The following ACOT7 variants were observed in gnomAD, a reference collection of about 807,000 sequenced individuals.
ACOT7 encodes cytosolic acyl coenzyme A thioester hydrolase.
A neutral mutation model predicts 40.2 loss-of-function variants in ACOT7; 12 were observed. The observed-to-expected ratio is 0.30, with a 90% CI of 0.19 to 0.48. ACOT7 has a LOEUF of 0.48. Among genes scored for constraint, ACOT7 ranks in the 20% least tolerant of loss-of-function variants. The pLI is 0.99. For synonymous variants in ACOT7, 228 were observed against 219.5 expected (o/e 1.04, Z -0.34); for missense variants, 395 against 530.8 (o/e 0.74, Z 2.51).
chr1:6,284,919 C>T (rs983608084), intron 7 of ACOT7, among the ~76,000 whole-genome samples: 2 of 152,228 alleles, frequency 1.3e-5, no homozygotes, highest in African/African-American at 4.8e-5. Flanking sequence ...TTCTGAACCT[C>T]GGCTCAAGCA....
At chr1:6,366,195 G>A (rs752200882) in intron 1 of ACOT7, among the ~76,000 whole-genome samples, 14 of 152,030 alleles carry the variant, frequency 9.2e-5, no homozygotes, top group Non-Finnish European at 1.5e-5. Context: ...GACTGATTAG[G>A]ATGGCGACTG....
chr1:6,281,279 G>A lies in ACOT7; in HGVS notation c.837C>T (p.Val279=). Residue 279 remains valine (V), a synonymous_variant, in exon 8 of 9, where the codon GTC becomes GTT. Coordinates refer to ENST00000361521, the MANE Select transcript of ACOT7 (RefSeq NM_007274.4). ...AGGTCATGCGTCCCGAGATGGTGAT[G>A]ACGCAGCCTGTGGAGAAGGGAGGGC... ...NFHDKIRKGC[V]ITISGRMTFT... is the part of the protein sequence containing the mutation. 1 of 1,613,354 alleles carries A rather than the reference G, an allele frequency of 6.2e-7. No homozygotes were observed.
intron 1 of ACOT7, among the ~76,000 whole-genome samples, chr1:6,379,774 T>C (rs991551321): frequency 1.3e-5 from 2 of 151,776 alleles, no homozygotes; most frequent in Admixed American, 1.3e-4. Context: ...TAAAACTCTT[T>C]AAAGAAAATA....
Position 6,359,104 on chromosome 1 carries a change from C to G in ACOT7, c.144-9238G>C. ...ATTACAGAAGAAGTAATTCTGTGAG[C>G]TCTTCTGGCTGCCATGCCAGGAGAT... On this transcript the variant is annotated intron_variant, in intron 1 of 8. Transcript: ENST00000361521. This position sits in a 1 kb window ranked among gnomAD's most constrained non-coding sequence, Gnocchi z 4.1. The G allele has an allele frequency of 2.4e-6, 1 of 409,258 alleles. No individual in the cohort carries two copies. The highest frequency in any genetic ancestry group is 3.4e-5 in the South Asian group (1 of 29,812). 25.4% of individuals were successfully genotyped at this position (409,258 alleles called of 1,614,324 possible). A position where few individuals can be genotyped will look rare whatever the true frequency, so the allele number is the denominator to read the frequency against.
intron 6 of ACOT7, among the ~76,000 whole-genome samples, chr1:6,305,439 G>C (rs1459717180): frequency 6.6e-6 from 1 of 151,856 alleles, no homozygotes; most frequent in South Asian, 2.1e-4. Context: ...GGACGGGGTG[G>C]CTGCCGGGTG....
intron 1 of ACOT7, among the ~76,000 whole-genome samples, chr1:6,364,978 G>A (rs868847368): frequency 4.0e-5 from 6 of 151,164 alleles, no homozygotes; most frequent in South Asian, 2.1e-4. Context: ...AGCTGAGATC[G>A]CCCCACTGCA....
Position 6,266,964 on chromosome 1 carries a change from G to A in ACOT7, c.1015-2269C>T, listed in dbSNP as rs559040772. On this transcript the variant is annotated intron_variant, in intron 8 of 8. Coordinates refer to ENST00000361521, the MANE Select transcript of ACOT7 (RefSeq NM_007274.4). ...GGTTGGGAGCAGGAGAGCTGGGGAC[G>A]GGCAGGCTGGATCGCACTCAGGCGC... Among the ~76,000 whole-genome samples the A allele has an allele frequency of 2.2e-4, 33 of 152,340 alleles. No individual in the cohort carries two copies. The South Asian group carries it at 6.4e-3, about 30-fold the overall frequency.
chr1:6,353,794 C>T (rs1176478872), intron 1 of ACOT7, among the ~76,000 whole-genome samples: 2 of 152,318 alleles, frequency 1.3e-5, no homozygotes, highest in East Asian at 3.9e-4. Context: ...CATGTTATTC[C>T]TCCCCCAGCC....
At position 6,337,572 on chromosome 1, in the gene ACOT7, G is replaced by A. The variant is rs867129017; in HGVS notation, c.418+1861C>T. On this transcript the variant is annotated intron_variant, in intron 3 of 8. Coordinates refer to ENST00000361521, the MANE Select transcript of ACOT7 (RefSeq NM_007274.4). ...GGATCTAGGGAGTTCCTCAAGCTCA[G>A]TACCCCTGACCTTTGGCCTGCATCA... Among the ~76,000 whole-genome samples, 7 of 152,306 alleles carry A rather than the reference G, an allele frequency of 4.6e-5. No individual in the cohort carries two copies. In the South Asian group the frequency reaches 8.3e-4, roughly 18 times the overall value.
chr1:6,350,668 G>A (rs932347222), intron 1 of ACOT7, among the ~76,000 whole-genome samples: 5 of 152,260 alleles, frequency 3.3e-5, no homozygotes, highest in South Asian at 2.1e-4. Flanking sequence ...GCCTGGAGAC[G>A]AGTGACAGGC....
rs1292132331 is a variant in ACOT7, at chr1:6,288,466, G to A, written c.829+6398C>T. ...GGACAGCTATGACAAGTGGCAGCCT[G>A]TCCTAGCAGACCTGAAGTGCCAGCT... On this transcript the variant is annotated intron_variant, in intron 7 of 8. Coordinates refer to ENST00000361521, the MANE Select transcript of ACOT7 (RefSeq NM_007274.4). This position sits in a 1 kb window ranked among gnomAD's most constrained non-coding sequence, Gnocchi z 4.3. 6.6e-6 allele frequency among the ~76,000 whole-genome samples: 1 copy of A among 152,234 alleles called. No homozygotes were observed. Among genetic ancestry groups the A allele is most frequent in the Non-Finnish European group, 1.5e-5 (1 of 68,032 alleles).
chr1:6,295,174 G>C, intron 6 of ACOT7, 194 bp from the exon 7 acceptor site: 115 of 349,982 alleles, frequency 3.3e-4, no homozygotes, highest in Middle Eastern at 8.9e-4. Flanking sequence ...AGGAGATTTT[G>C]AAAAAAACGA....
At chr1:6,281,525 A>G (rs921161991) in intron 7 of ACOT7, among the ~76,000 whole-genome samples, 5 of 152,258 alleles carry the variant, frequency 3.3e-5, no homozygotes, top group African/African-American at 1.2e-4. Flanking sequence ...TTTGGTGGCC[A>G]TGAGTTCAAG....
intron 2 of ACOT7, among the ~76,000 whole-genome samples, chr1:6,340,111 G>A (rs367932741): frequency 1.2e-3 from 189 of 151,958 alleles, no homozygotes; most frequent in African/African-American, 3.5e-3. Flanking sequence ...GACTACAGGC[G>A]CCCGCCACCA....
intron 5 of ACOT7, among the ~76,000 whole-genome samples, chr1:6,326,937 A>G (rs1348269737): frequency 6.6e-6 from 1 of 151,880 alleles, no homozygotes; most frequent in Non-Finnish European, 1.5e-5. Context: ...AACTCAAAAA[A>G]AAAAAAAAAA....
intron 7 of ACOT7, among the ~76,000 whole-genome samples, chr1:6,285,175 T>G (rs1321104589): frequency 6.6e-6 from 1 of 152,154 alleles, no homozygotes; most frequent in Non-Finnish European, 1.5e-5. Flanking sequence ...CCACGAGGGC[T>G]GGGGTGTGGG....
chr1:6,388,898 G>A (rs563942702), intron 1 of ACOT7, among the ~76,000 whole-genome samples: 11 of 152,022 alleles, frequency 7.2e-5, no homozygotes, highest in African/African-American at 2.2e-4. Context: ...AAAATTAGCC[G>A]GGTGTGGTGG....
At chr1:6,290,252 T>C (rs761946303) in intron 7 of ACOT7, among the ~76,000 whole-genome samples, 1 of 152,148 alleles carries the variant, frequency 6.6e-6, no homozygotes, top group Non-Finnish European at 1.5e-5. Flanking sequence ...ACCTCCAAAA[T>C]TACAGGAGAG....
At chr1:6,313,254 C>T (rs1188776547) in intron 6 of ACOT7, among the ~76,000 whole-genome samples, 2 of 152,146 alleles carry the variant, frequency 1.3e-5, no homozygotes, top group Non-Finnish European at 2.9e-5. Flanking sequence ...AATAAAAAGT[C>T]CCTGGAAGAT....
Sources: gnomAD v4.1 joint callset for allele counts (sites outside exome capture counted in the v4.1 genomes callset) on GRCh38, gnomAD v4.1.1 for gene constraint, Gnocchi (gnomAD v3.1) non-coding constraint, MANE v1.5 for transcripts, NCBI Gene and HGNC (gene_info 2026-07-23, HGNC 2026-07-21) for gene names.